EML6: variants seen among roughly 807,000 people sequenced by gnomAD.
EML6 encodes the protein EMAP like 6.
A neutral mutation model predicts 240.1 loss-of-function variants in EML6; 154 were observed. That is an observed-to-expected ratio of 0.64 (90% CI 0.56 to 0.73). The LOEUF (loss-of-function observed/expected upper bound fraction) is 0.73, where lower values mean the gene tolerates loss of function less well. EML6 is among the 30% of genes least tolerant of loss of function. EML6 has a pLI of 0.00. For missense variants in EML6, 2,964 were observed against 2,474.6 expected (o/e 1.20, Z -4.20); for synonymous variants, 1,148 against 899.0 (o/e 1.28, Z -4.95).
Position 54,829,285 on chromosome 2 carries a change from C to T in EML6, c.712-57C>T, listed in dbSNP as rs1668747032. On this transcript the variant is annotated intron_variant, in intron 6 of 41. Coordinates refer to ENST00000356458, the MANE Select transcript of EML6 (RefSeq NM_001039753.4). ...TTTTTAAATCAACATTCAACTGTAT[C>T]TATTCATTATACTTAGGATGGTTGC... The T allele has an allele frequency of 2.0e-6, 3 of 1,479,724 alleles. No homozygotes were observed. In the African/African-American group the frequency reaches 4.2e-5, roughly 21 times the overall value. The allele number at this position is 1,479,724 out of a possible 1,614,324, so 91.7% of individuals were successfully genotyped here.
intron 15 of EML6, among the ~76,000 whole-genome samples, 184 bp from the exon 16 acceptor site, chr2:54,871,316 T>C (rs1399213866): frequency 1.3e-5 from 2 of 152,230 alleles, no homozygotes; most frequent in Non-Finnish European, 2.9e-5. Context: ...ACAAGCCTCT[T>C]AGAGATACAG....
chr2:54,872,248 A>T (rs1176651189), intron 16 of EML6, among the ~76,000 whole-genome samples: 2 of 152,216 alleles, frequency 1.3e-5, no homozygotes, highest in African/African-American at 4.8e-5. Flanking sequence ...CTATCACAAA[A>T]AGTATTTCTA....
rs753363898 is a variant in EML6 at position 54,916,632 on chromosome 2, C to G, written c.3499-127C>G. The G allele has an allele frequency of 6.2e-6, 4 of 640,022 alleles. No individual in the cohort carries two copies. The East Asian group carries it at 1.1e-4, about 18-fold the overall frequency. 39.6% of individuals were successfully genotyped at this position (640,022 alleles called of 1,614,324 possible). Reference sequence around the variant, plus strand: ...AAATATGCAACTTAGAATTTGTGTACCTCAGCACTCAACACAAATGCCTAA... The same window carrying G: ...AAATATGCAACTTAGAATTTGTGTAGCTCAGCACTCAACACAAATGCCTAA... On this transcript the variant is annotated intron_variant, in intron 25 of 41. Transcript: ENST00000356458.
intron 32 of EML6, among the ~76,000 whole-genome samples, chr2:54,956,709 C>A (rs926234115): frequency 1.3e-5 from 2 of 152,064 alleles, no homozygotes; most frequent in African/African-American, 2.4e-5. Context: ...TACATCAAAA[C>A]CCACCACCAT....
chr2:54,826,834 A>G (rs1052118949), intron 5 of EML6, among the ~76,000 whole-genome samples: 1 of 152,218 alleles, frequency 6.6e-6, no homozygotes, highest in African/African-American at 2.4e-5. Flanking sequence ...GAAGATTTAT[A>G]ACACTTAAAG....
intron 2 of EML6, among the ~76,000 whole-genome samples, chr2:54,746,881 A>G (rs1472177981): frequency 6.6e-6 from 1 of 152,166 alleles, no homozygotes; most frequent in East Asian, 1.9e-4. Context: ...ACGAGTGATC[A>G]GTGATTGGCC....
At chr2:54,930,516 CTCT>C (rs1051857570) in intron 28 of EML6, among the ~76,000 whole-genome samples, 2 of 151,762 alleles carry the variant, frequency 1.3e-5, no homozygotes, top group African/African-American at 4.8e-5. Flanking sequence ...ACTGGAATGA[CTCT>C]TTTTTTTTTT....
intron 2 of EML6, among the ~76,000 whole-genome samples, chr2:54,807,009 A>C (rs1670530482): frequency 6.6e-6 from 1 of 152,234 alleles, no homozygotes; most frequent in Non-Finnish European, 1.5e-5. Context: ...TATACACTTT[A>C]CTGACATAAA....
intron 2 of EML6, among the ~76,000 whole-genome samples, chr2:54,784,146 A>T (rs1181655201): frequency 6.6e-6 from 1 of 151,928 alleles, no homozygotes; most frequent in Admixed American, 6.6e-5. Context: ...GGATCTTGCT[A>T]TGTTGCCCAG....
At position 54,863,850 on chromosome 2, in the gene EML6, T is replaced by C. The variant is rs1385112904; in HGVS notation, c.1893T>C (p.Ser631=). The change falls in exon 13 of 42, where the codon TCT becomes TCC. Residue 631 remains serine (S), a synonymous_variant. Coordinates refer to ENST00000356458, the MANE Select transcript of EML6 (RefSeq NM_001039753.4). ...TATCTGATGTGCCCGAACTGGACTC[T>C]GATATTGAGCAAGAAGCTCAAATCA... ...SDLSDVPELD[S]DIEQEAQINY... The C allele has an allele frequency of 1.2e-5, 19 of 1,547,976 alleles. No homozygotes were observed. The highest frequency in any genetic ancestry group is 3.3e-4 in the Middle Eastern group (2 of 6,010).
Position 54,959,243 on chromosome 2 carries a change from C to A in EML6, c.4835C>A (p.Thr1612Asn). 6.5e-7 allele frequency: 1 copy of A among 1,540,818 alleles called. No homozygotes were observed. Among genetic ancestry groups the A allele is most frequent in the Non-Finnish European group, 8.8e-7 (1 of 1,141,792 alleles). The change falls in exon 34 of 42, where the codon ACC becomes AAC. Residue 1612 changes from threonine (T) to asparagine (N), a missense_variant. Physicochemically the swap from Thr to Asn is moderately conservative, Grantham distance 65. Coordinates refer to ENST00000356458, the MANE Select transcript of EML6 (RefSeq NM_001039753.4). The stretch of plus-strand genomic sequence containing the variant: ...ACCCTTCGGGATGGACTCATAGTGA[C>A]CGGCGGAAAAGAGAGGCCGTAAGCC... ...YTTLRDGLIV[T>N]GGKERPTKEG...
intron 2 of EML6, among the ~76,000 whole-genome samples, chr2:54,807,154 A>G (rs1309936423): frequency 6.6e-6 from 1 of 151,750 alleles, no homozygotes; most frequent in African/African-American, 2.4e-5. Context: ...TGGTCAGTCT[A>G]TGGTTGCAGT....
chr2:54,799,598 C>T (rs982371486), intron 2 of EML6, among the ~76,000 whole-genome samples: 6 of 152,204 alleles, frequency 3.9e-5, no homozygotes, highest in Non-Finnish European at 7.3e-5. Flanking sequence ...CCGCCTTGGC[C>T]TCCCAAAGTG....
intron 32 of EML6, among the ~76,000 whole-genome samples, chr2:54,955,686 T>C (rs1470482325): frequency 6.6e-6 from 1 of 152,182 alleles, no homozygotes; most frequent in African/African-American, 2.4e-5. Flanking sequence ...CACAGACTCT[T>C]GCTCACCCAG....
intron 28 of EML6, among the ~76,000 whole-genome samples, chr2:54,934,557 T>C (rs1042778539): frequency 2.0e-5 from 3 of 152,032 alleles, no homozygotes; most frequent in Non-Finnish European, 4.4e-5. Flanking sequence ...TATATATTTA[T>C]ATTTATATTT....
chr2:54,897,122 T>A (rs1427352404), intron 21 of EML6, among the ~76,000 whole-genome samples: 2 of 152,230 alleles, frequency 1.3e-5, no homozygotes, highest in Non-Finnish European at 1.5e-5. Context: ...TGTTTGAGAA[T>A]GTAAATTGTT....
chr2:54,956,214 T>C (rs1676226443), intron 32 of EML6, among the ~76,000 whole-genome samples: 1 of 151,852 alleles, frequency 6.6e-6, no homozygotes, highest in South Asian at 2.1e-4. Flanking sequence ...AAACAGTGGC[T>C]TTGAAAAAAT....
chr2:54,855,701 A>G (rs888736729), intron 11 of EML6, among the ~76,000 whole-genome samples: 1 of 152,190 alleles, frequency 6.6e-6, no homozygotes, highest in African/African-American at 2.4e-5. Flanking sequence ...AGACATATCC[A>G]TGTCCTCATA....
At chr2:54,800,865 G>T (rs1670100355) in intron 2 of EML6, among the ~76,000 whole-genome samples, 1 of 152,078 alleles carries the variant, frequency 6.6e-6, no homozygotes, top group Non-Finnish European at 1.5e-5. Context: ...ACTCTTATTG[G>T]GGATTAAATT....
Sources: allele counts gnomAD v4.1 joint callset (sites outside exome capture counted in the v4.1 genomes callset), GRCh38; gene constraint gnomAD v4.1.1; transcripts MANE v1.5; gene names NCBI Gene and HGNC (gene_info 2026-07-23, HGNC 2026-07-21).